Variants in HIBADH observed in about 807,000 individuals in gnomAD.
The protein encoded by HIBADH is 3-hydroxyisobutyrate dehydrogenase.
In HIBADH, 25 loss-of-function variants were observed where a neutral mutation model predicts 36.1. That is an observed-to-expected ratio of 0.69 (90% CI 0.50 to 0.97). The LOEUF (loss-of-function observed/expected upper bound fraction) is 0.97. Among genes scored for constraint, HIBADH ranks in the 50% least tolerant of loss-of-function variants. HIBADH has a pLI of 0.00. For synonymous variants in HIBADH, 160 were observed against 149.5 expected (o/e 1.07, Z -0.51); for missense variants, 421 against 418.0 (o/e 1.01, Z -0.06).
At chr7:27,582,721 GAAGC>G (rs1784810976) in intron 4 of HIBADH, among the ~76,000 whole-genome samples, 1 of 152,154 alleles carries the variant, frequency 6.6e-6, no homozygotes, top group Non-Finnish European at 1.5e-5. Context: ...CCCAGAGTAA[GAAGC>G]TGGGCGAGCT....
rs544306660 is a variant in HIBADH at position 27,584,645 on chromosome 7, G to A, written c.485-41545C>T. On this transcript the variant is annotated intron_variant, in intron 4 of 7. Coordinates refer to ENST00000265395, the MANE Select transcript of HIBADH (RefSeq NM_152740.4). ...AAACAATCACCTAAATACTTCTCAA[G>A]ACAACCCCAATACCAACTGTAGCAG... Among the ~76,000 whole-genome samples, 16 of 152,072 alleles carry A rather than the reference G, an allele frequency of 1.1e-4. 2 individuals carry two copies. The South Asian group carries it at 3.3e-3, about 31-fold the overall frequency.
chr7:27,659,857 A>T (rs956773839), intron 1 of HIBADH, among the ~76,000 whole-genome samples: 4 of 152,236 alleles, frequency 2.6e-5, no homozygotes, highest in African/African-American at 9.6e-5. Context: ...CAGTAGTTCT[A>T]GACCAGCGTA....
intron 5 of HIBADH, 70 bp downstream of exon 5, chr7:27,542,897 T>G: frequency 6.9e-7 from 1 of 1,447,428 alleles, no homozygotes; most frequent in Non-Finnish European, 9.5e-7. Flanking sequence ...AAAAATATGG[T>G]CAGGAAAGAG....
At chr7:27,642,853 G>A (rs1052067362) in intron 2 of HIBADH, among the ~76,000 whole-genome samples, 6 of 151,740 alleles carry the variant, frequency 4.0e-5, no homozygotes, top group African/African-American at 1.2e-4. Context: ...GGGTTTCACC[G>A]TTTTAGCCGG....
intron 4 of HIBADH, among the ~76,000 whole-genome samples, chr7:27,580,416 C>A (rs776122442): frequency 2.0e-5 from 3 of 152,214 alleles, no homozygotes; most frequent in South Asian, 2.1e-4. Context: ...ACAACAACAA[C>A]AAAAATCCAG....
At chr7:27,660,537 C>T (rs1024446069) in intron 1 of HIBADH, among the ~76,000 whole-genome samples, 2 of 151,970 alleles carry the variant, frequency 1.3e-5, no homozygotes, top group Non-Finnish European at 2.9e-5. Flanking sequence ...TGGTGGCAGG[C>T]GCCTGTAGTC....
chr7:27,593,282 A>G (rs954370860), intron 4 of HIBADH, among the ~76,000 whole-genome samples: 5 of 152,150 alleles, frequency 3.3e-5, no homozygotes, highest in African/African-American at 1.2e-4. Flanking sequence ...TCATCCGGGT[A>G]TGTATTCTGC....
At chr7:27,654,361 T>C (rs1313087534) in intron 1 of HIBADH, among the ~76,000 whole-genome samples, 1 of 151,950 alleles carries the variant, frequency 6.6e-6, no homozygotes, top group Admixed American at 6.6e-5. Flanking sequence ...TGATGAAAAC[T>C]ACAAACCCCA....
intron 1 of HIBADH, among the ~76,000 whole-genome samples, chr7:27,661,153 T>C (rs1235116883): frequency 6.6e-6 from 1 of 152,212 alleles, no homozygotes; most frequent in East Asian, 1.9e-4. Flanking sequence ...AAGTTTGGCA[T>C]ATTCTGAGTT....
intron 4 of HIBADH, among the ~76,000 whole-genome samples, chr7:27,601,732 A>C (rs1261282201): frequency 6.6e-6 from 1 of 152,094 alleles, no homozygotes; most frequent in African/African-American, 2.4e-5. Context: ...CCTATGAAGG[A>C]TATTATGTTA....
rs142050602 is a variant in HIBADH, at chr7:27,539,856, G to A, written c.619-1439C>T. On this transcript the variant is annotated intron_variant, in intron 5 of 7. Coordinates refer to ENST00000265395, the MANE Select transcript of HIBADH (RefSeq NM_152740.4). ...TATTCTTATGGTAAAGCAAGCTAGAGAAAAAAATGTTACTAAGGGAATCAT... is the reference window on the plus strand; with the variant it reads ...TATTCTTATGGTAAAGCAAGCTAGAAAAAAAAATGTTACTAAGGGAATCAT... 6.0e-3 allele frequency among the ~76,000 whole-genome samples: 912 copies of A among 152,012 alleles called. 6 individuals carry two copies. Among genetic ancestry groups the A allele is most frequent in the South Asian group, 9.7e-3 (47 of 4,826 alleles).
At position 27,662,700 on chromosome 7, in the gene HIBADH, G is replaced by A; in HGVS notation, c.89C>T (p.Ala30Val). 6 of 1,352,712 alleles carry A rather than the reference G, an allele frequency of 4.4e-6. No individual in the cohort carries two copies. The highest frequency in any genetic ancestry group is 1.8e-5 in the South Asian group (1 of 55,962). The allele number at this position is 1,352,712 out of a possible 1,614,324, so 83.8% of individuals were successfully genotyped here. The change falls in exon 1 of 8, where the codon GCG (alanine) becomes GTG (valine). Residue 30 changes from alanine to valine, a missense_variant and splice_region_variant. Coordinates refer to ENST00000265395, the MANE Select transcript of HIBADH (RefSeq NM_152740.4). ...RLRPAAGSFA[A>V]VCSRSVASKT... ...GGGAGGAGGCGTGAGGTCCTTACCC[G>A]CTGCAAAGCTGCCGGCTGCCGGCCG...
At chr7:27,626,759 T>C (rs930954075) in intron 4 of HIBADH, among the ~76,000 whole-genome samples, 5 of 152,206 alleles carry the variant, frequency 3.3e-5, no homozygotes, top group Non-Finnish European at 5.9e-5. Context: ...TGTTCCCATT[T>C]ACACTTTTAG....
At chr7:27,652,385 A>G (rs1253851301) in intron 1 of HIBADH, among the ~76,000 whole-genome samples, 1 of 150,002 alleles carries the variant, frequency 6.7e-6, no homozygotes, top group African/African-American at 2.5e-5. Context: ...GGCAAGAGGT[A>G]GTTATTGAAA....
rs533076136 is a variant in HIBADH, at chr7:27,564,187, C to T, written c.485-21087G>A. 2.6e-3 allele frequency among the ~76,000 whole-genome samples: 391 copies of T among 152,142 alleles called. 1 individual carries two copies. The highest frequency in any genetic ancestry group is 8.8e-3 in the African/African-American group (364 of 41,522). On this transcript the variant is annotated intron_variant, in intron 4 of 7. Transcript: ENST00000265395. ...TGCTGGGATTACAGGCGTGAGCCAC[C>T]GTGCCTGGCCGTTAATTTTCATAAA...
chr7:27,662,340 C>T (rs1279183442), intron 1 of HIBADH, among the ~76,000 whole-genome samples: 1 of 152,098 alleles, frequency 6.6e-6, no homozygotes, highest in Non-Finnish European at 1.5e-5. Flanking sequence ...GTGCGGGTTG[C>T]TCCTGGAGTT....
In HIBADH at chr7:27,541,724, C is replaced by A. The variant is rs372261067; in HGVS notation, c.618+1243G>T. Reference sequence around the variant, plus strand: ...TCACTAGTGGCACTTTGTATGGGTCCCATGGTGTCATTCAAGGTTTATGGT... The same window carrying A: ...TCACTAGTGGCACTTTGTATGGGTCACATGGTGTCATTCAAGGTTTATGGT... On this transcript the variant is annotated intron_variant, in intron 5 of 7. Coordinates refer to ENST00000265395, the MANE Select transcript of HIBADH (RefSeq NM_152740.4). The A allele has an allele frequency of 1.6e-3, 675 of 432,160 alleles. 10 individuals carry two copies. Among genetic ancestry groups the A allele is most frequent in the South Asian group, 0.011 (660 of 60,604 alleles). The allele number at this position is 432,160 out of a possible 1,614,324, so 26.8% of individuals were successfully genotyped here.
intron 4 of HIBADH, among the ~76,000 whole-genome samples, chr7:27,549,515 A>G (rs1184658251): frequency 6.6e-6 from 1 of 152,210 alleles, no homozygotes. Context: ...AAGTCTTGGG[A>G]AACTCTATTT....
At chr7:27,578,368 T>G (rs956235908) in intron 4 of HIBADH, among the ~76,000 whole-genome samples, 8 of 151,876 alleles carry the variant, frequency 5.3e-5, no homozygotes, top group Non-Finnish European at 1.2e-4. Flanking sequence ...CAAGCTGGAG[T>G]GCAGTGGCAC....
Sources: allele counts gnomAD v4.1 joint callset (sites outside exome capture counted in the v4.1 genomes callset), GRCh38; gene constraint gnomAD v4.1.1; transcripts MANE v1.5; gene names NCBI Gene and HGNC (gene_info 2026-07-23, HGNC 2026-07-21).